The following GDAP2 variants were observed in gnomAD, a reference collection of about 807,000 sequenced individuals.
GDAP2 encodes ganglioside-induced differentiation-associated protein 2.
In GDAP2, 51 loss-of-function variants were observed where a neutral mutation model predicts 67.0. That is an observed-to-expected ratio of 0.76 (90% CI 0.61 to 0.96). GDAP2 has a LOEUF of 0.96. Ranked by LOEUF, GDAP2 falls within the 40% of genes least tolerant of loss-of-function variation. The pLI, the probability that GDAP2 is intolerant of heterozygous loss-of-function variation, is 0.00. For missense variants in GDAP2, 547 were observed against 588.3 expected (o/e 0.93, Z 0.73); for synonymous variants, 203 against 207.3 (o/e 0.98, Z 0.18).
At chr1:117,906,673 T>C in intron 5 of GDAP2, 91 bp from the exon 6 acceptor site, 1 of 702,268 alleles carries the variant, frequency 1.4e-6, no homozygotes, top group Admixed American at 2.3e-5. Flanking sequence ...AGTTTTGTAA[T>C]GGATCACTTC....
intron 6 of GDAP2, among the ~76,000 whole-genome samples, chr1:117,901,218 A>G (rs1407835669): frequency 6.6e-6 from 1 of 152,084 alleles, no homozygotes; most frequent in Non-Finnish European, 1.5e-5. Flanking sequence ...TCTAACACAC[A>G]TGCACGCACA....
Position 117,870,224 on chromosome 1 carries a change from AGAGATGATGTGAACAG to A in GDAP2, c.*329_*344del. 1 of 297,456 alleles carries A rather than the reference AGAGATGATGTGAACAG, an allele frequency of 3.4e-6. No individual in the cohort carries two copies. The highest frequency in any genetic ancestry group is 4.3e-5 in the South Asian group (1 of 23,136). 18.4% of individuals were successfully genotyped at this position (297,456 alleles called of 1,614,324 possible). A position where few individuals can be genotyped will look rare whatever the true frequency, so the allele number is the denominator to read the frequency against. On this transcript the variant is annotated 3_prime_UTR_variant, in exon 14 of 14. Transcript: ENST00000369443. ...ACACAAAGGAAGCGTGCAATGTTAGAGAGATGATGTGAACAGTCTTGGTGGTTTATCTAATGGAGAA... is the reference window on the plus strand; with the variant it reads ...ACACAAAGGAAGCGTGCAATGTTAGATCTTGGTGGTTTATCTAATGGAGAA...
intron 1 of GDAP2, among the ~76,000 whole-genome samples, chr1:117,924,780 A>G (rs1344362734): frequency 6.6e-6 from 1 of 152,176 alleles, no homozygotes; most frequent in Non-Finnish European, 1.5e-5. Flanking sequence ...ATTTTACCTA[A>G]AAGTTGGTGT....
chr1:117,909,515 T>C (rs1649776768), intron 5 of GDAP2, among the ~76,000 whole-genome samples: 1 of 152,204 alleles, frequency 6.6e-6, no homozygotes, highest in African/African-American at 2.4e-5. Context: ...TATCATTAGA[T>C]TTGTTCTTGG....
chr1:117,916,596 G>A (rs1285366002), intron 3 of GDAP2, among the ~76,000 whole-genome samples: 1 of 152,208 alleles, frequency 6.6e-6, no homozygotes, highest in Admixed American at 6.5e-5. Flanking sequence ...AGTCTAGGCA[G>A]GGAATGATGG....
chr1:117,899,028 AT>A, intron 7 of GDAP2, 28 bp downstream of exon 7: 1 of 1,592,398 alleles, frequency 6.3e-7, no homozygotes, highest in South Asian at 1.1e-5. Flanking sequence ...TAAGAGGGAG[AT>A]TTAAAAAGTT....
Position 117,881,817 on chromosome 1 carries a change from C to A in GDAP2, c.1302+6G>T. 1 of 1,472,484 alleles carries A rather than the reference C, an allele frequency of 6.8e-7. No homozygotes were observed. The highest frequency in any genetic ancestry group is 9.5e-7 in the Non-Finnish European group (1 of 1,051,114). The allele number at this position is 1,472,484 out of a possible 1,614,324, so 91.2% of individuals were successfully genotyped here. A position where few individuals can be genotyped will look rare whatever the true frequency, so the allele number is the denominator to read the frequency against. ...CTAGATTTAACCAAAGAGAAAAATA[C>A]TGTACCTTTGAACGAAATGTGGGAT... On this transcript the variant is annotated splice_donor_region_variant and intron_variant, in intron 12 of 13. Transcript: ENST00000369443.
intron 8 of GDAP2, among the ~76,000 whole-genome samples, chr1:117,896,081 A>G (rs1649251029): frequency 6.6e-6 from 1 of 152,228 alleles, no homozygotes; most frequent in East Asian, 1.9e-4. Flanking sequence ...TGATTTGCTC[A>G]GTACAGCAGT....
Position 117,888,256 on chromosome 1 carries a change from G to C in GDAP2, c.954-482C>G, listed in dbSNP as rs1008486128. Among the ~76,000 whole-genome samples, 4 of 152,136 alleles carry C rather than the reference G, an allele frequency of 2.6e-5. No homozygotes were observed. The East Asian group carries it at 7.7e-4, about 29-fold the overall frequency. ...CCCTCAAGAAGTTCACTTTTCAGGGGAAAAACAGGCAAGTGCTGTACATGT... is the reference window on the plus strand; with the variant it reads ...CCCTCAAGAAGTTCACTTTTCAGGGCAAAAACAGGCAAGTGCTGTACATGT... On this transcript the variant is annotated intron_variant, in intron 8 of 13. Transcript: ENST00000369443.
At chr1:117,897,937 G>A (rs1175018565) in intron 7 of GDAP2, among the ~76,000 whole-genome samples, 3 of 152,010 alleles carry the variant, frequency 2.0e-5, no homozygotes, top group Non-Finnish European at 2.9e-5. Context: ...GAACACTACG[G>A]CCTATATCTA....
chr1:117,912,759 A>G (rs1649905295), intron 3 of GDAP2, 76 bp from the exon 4 acceptor site: 1 of 1,274,338 alleles, frequency 7.8e-7, no homozygotes, highest in Non-Finnish European at 1.1e-6. Context: ...AGCATGAAAC[A>G]GAGAAAGTAT....
intron 6 of GDAP2, among the ~76,000 whole-genome samples, chr1:117,899,696 C>A (rs1024745209): frequency 1.1e-4 from 17 of 152,092 alleles, no homozygotes; most frequent in East Asian, 7.7e-4. Flanking sequence ...TTAAAAAAAA[C>A]CAAACAGAAT....
intron 8 of GDAP2, among the ~76,000 whole-genome samples, chr1:117,889,499 C>T (rs957328089): frequency 6.6e-6 from 1 of 151,988 alleles, no homozygotes; most frequent in African/African-American, 2.4e-5. Flanking sequence ...CATTTGATAA[C>T]CACTTTATTC....
At chr1:117,874,867 A>C (rs970187167) in intron 13 of GDAP2, among the ~76,000 whole-genome samples, 3 of 152,200 alleles carry the variant, frequency 2.0e-5, no homozygotes, top group Non-Finnish European at 2.9e-5. Context: ...ACTTAGCTGC[A>C]CTGTGTCCAT....
intron 6 of GDAP2, among the ~76,000 whole-genome samples, chr1:117,905,488 A>T (rs1408465854): frequency 6.6e-6 from 1 of 152,184 alleles, no homozygotes; most frequent in Non-Finnish European, 1.5e-5. Context: ...CAACTTATGT[A>T]TCACTTCCTA....
rs1648078190 is a variant in GDAP2 at position 117,866,818 on chromosome 1, C to T, written c.*3751G>A. On this transcript the variant is annotated 3_prime_UTR_variant, in exon 14 of 14. Coordinates refer to ENST00000369443, the MANE Select transcript of GDAP2 (RefSeq NM_017686.4). ...ACAGTGAGCCGAGATCGTGCCATTG[C>T]ACTCCAGCCTGGGTGACCAAAAAAA... 1 of 148,394 alleles carries T rather than the reference C, an allele frequency of 6.7e-6. No homozygotes were observed. Among genetic ancestry groups the T allele is most frequent in the Non-Finnish European group, 1.5e-5 (1 of 67,546 alleles). 9.2% of individuals were successfully genotyped at this position (148,394 alleles called of 1,614,324 possible). A position where few individuals can be genotyped will look rare whatever the true frequency, so the allele number is the denominator to read the frequency against.
chr1:117,888,201 G>T (rs376851447), intron 8 of GDAP2, among the ~76,000 whole-genome samples: 34 of 152,290 alleles, frequency 2.2e-4, no homozygotes, highest in African/African-American at 8.2e-4. Context: ...TAGTTACTGA[G>T]AATACTATCA....
chr1:117,902,661 A>G (rs1252319888), intron 6 of GDAP2, among the ~76,000 whole-genome samples: 1 of 152,208 alleles, frequency 6.6e-6, no homozygotes, highest in African/African-American at 2.4e-5. Flanking sequence ...TGATTACTAC[A>G]GCTTTGTAGT....
At chr1:117,893,139 A>G (rs1294245826) in intron 8 of GDAP2, among the ~76,000 whole-genome samples, 1 of 152,186 alleles carries the variant, frequency 6.6e-6, no homozygotes, top group Non-Finnish European at 1.5e-5. Flanking sequence ...AAAGATAATG[A>G]TTTTGTTGAG....
Sources: allele counts gnomAD v4.1 joint callset (sites outside exome capture counted in the v4.1 genomes callset), GRCh38; gene constraint gnomAD v4.1.1; transcripts MANE v1.5; gene names NCBI Gene and HGNC (gene_info 2026-07-23, HGNC 2026-07-21).